The following ST6GAL1 variants were observed in gnomAD, a reference collection of about 807,000 sequenced individuals.
ST6GAL1 encodes beta-galactoside alpha-2,6-sialyltransferase 1.
ST6GAL1 carries 20 observed loss-of-function variants against 38.0 expected under a neutral mutation model. The observed-to-expected ratio is 0.53, with a 90% CI of 0.37 to 0.77. ST6GAL1 has a LOEUF of 0.77. Among genes scored for constraint, ST6GAL1 ranks in the 30% least tolerant of loss-of-function variants. ST6GAL1 has a pLI of 0.00. For missense variants in ST6GAL1, 432 were observed against 496.4 expected, an observed-to-expected ratio of 0.87 and a Z score of 1.23; for synonymous variants, 196 against 188.2, an observed-to-expected ratio of 1.04 and a Z score of -0.34.
chr3:186,937,291 G>C (rs751711564), intron 1 of ST6GAL1, among the ~76,000 whole-genome samples: 16 of 152,094 alleles, frequency 1.1e-4, no homozygotes, highest in Non-Finnish European at 2.1e-4. Context: ...ATTTCAGTGA[G>C]GGCCTATAAA....
chr3:187,051,390 A>G, intron 5 of ST6GAL1, 44 bp downstream of exon 5: 3 of 1,570,416 alleles, frequency 1.9e-6, no homozygotes, highest in Non-Finnish European at 2.6e-6. Flanking sequence ...GAAGGACCAC[A>G]GTGTGGGCTC....
At chr3:186,964,486 A>G (rs979416597) in intron 2 of ST6GAL1, 3 of 152,214 alleles carry the variant, frequency 2.0e-5, no homozygotes, top group African/African-American at 4.8e-5. Context: ...AGAAAATACA[A>G]TATATCTGAA....
At chr3:186,931,183 G>GTCTGGGTTCCTTCAAATCCCGCCT (rs6148233) in intron 1 of ST6GAL1, 29,291 of 129,438 alleles carry the variant, frequency 0.23, 3,167 homozygotes, top group African/African-American at 0.4. Context: ...GCCTTGCAGA[G>GTCTGGGTTCCTTCAAATCCCGCCT]TCTGGGTTTA....
chr3:186,934,685 T>A (rs1375358420), intron 1 of ST6GAL1, among the ~76,000 whole-genome samples: 2 of 152,208 alleles, frequency 1.3e-5, no homozygotes, highest in Non-Finnish European at 2.9e-5. Context: ...AGTCACATGA[T>A]GCATTCTTAT....
chr3:187,078,342 G>C lies in ST6GAL1; in HGVS notation c.*2539G>C, dbSNP rs1042757. ...GTGACAGTTAATTTAAAAATTATGA[G>C]TTAATGCTGCCTGTGTCTATGGGGT... is the stretch of plus-strand genomic sequence containing the variant. On this transcript the variant is annotated 3_prime_UTR_variant, in exon 8 of 8. Coordinates refer to ENST00000169298, the MANE Select transcript of ST6GAL1 (RefSeq NM_173216.2). 0.55 allele frequency: 82,997 copies of C among 151,994 alleles called. 24,763 individuals are homozygous for C. The highest frequency in any genetic ancestry group is 0.81 in the African/African-American group (33,388 of 41,432). The allele number at this position is 151,994 out of a possible 1,614,324, so 9.4% of individuals were successfully genotyped here.
In ST6GAL1 at chr3:187,072,942, C is replaced by G. The variant is rs749944927; in HGVS notation, c.799C>G (p.Pro267Ala). The change falls in exon 6 of 8, where the codon CCA (proline) becomes GCA (alanine). Residue 267 changes from proline (P) to alanine (A), a missense_variant. By Grantham distance (27) the Pro-to-Ala change is conservative. Coordinates refer to ENST00000169298, the MANE Select transcript of ST6GAL1 (RefSeq NM_173216.2). ...CCCATCTGTATACCACTCAGATATC[C>G]CAAAGGTAAGTGGGTGTCCGTGGGA... is the stretch of plus-strand genomic sequence containing the variant. ...WDPSVYHSDI[P>A]KWYQNPDYNF... The G allele has an allele frequency of 6.2e-7, 1 of 1,612,288 alleles. No individual in the cohort carries two copies. Among genetic ancestry groups the G allele is most frequent in the Non-Finnish European group, 8.5e-7 (1 of 1,178,480 alleles).
intron 2 of ST6GAL1, among the ~76,000 whole-genome samples, chr3:187,011,052 T>C (rs1221848858): frequency 6.6e-6 from 1 of 152,206 alleles, no homozygotes; most frequent in Non-Finnish European, 1.5e-5. Context: ...TGGCGTTTTC[T>C]CTAACTTGGT....
rs1470020514 is a variant in ST6GAL1 at position 186,968,268 on chromosome 3, G to A, written c.-183+4342G>A. ...AAATGGGCCGAATAATACCTACCTT[G>A]AGTGAAGATGAATAATTATTTATAT... On this transcript the variant is annotated intron_variant, in intron 2 of 7. Coordinates refer to ENST00000169298, the MANE Select transcript of ST6GAL1 (RefSeq NM_173216.2). Among the ~76,000 whole-genome samples the A allele has an allele frequency of 2.6e-5, 4 of 152,248 alleles. No homozygotes were observed. In the East Asian group the frequency reaches 7.7e-4, roughly 29 times the overall value.
chr3:187,061,601 A>C (rs1236130361), intron 5 of ST6GAL1, among the ~76,000 whole-genome samples: 2 of 152,206 alleles, frequency 1.3e-5, no homozygotes, highest in Non-Finnish European at 2.9e-5. Flanking sequence ...TGAGTGTGTC[A>C]GGATCGTTCA....
chr3:187,050,373 TA>T (rs1240557504), intron 4 of ST6GAL1, among the ~76,000 whole-genome samples: 1 of 152,178 alleles, frequency 6.6e-6, no homozygotes, highest in Non-Finnish European at 1.5e-5. Flanking sequence ...CTTCATCAGA[TA>T]GGTCAACGTG....
chr3:186,947,831 A>G (rs536243590), intron 1 of ST6GAL1, among the ~76,000 whole-genome samples: 1 of 152,370 alleles, frequency 6.6e-6, no homozygotes, highest in Non-Finnish European at 1.5e-5. Flanking sequence ...AGAGGCACAC[A>G]GAAGGGTTTG....
At chr3:187,060,361 G>A (rs73055049) in intron 5 of ST6GAL1, among the ~76,000 whole-genome samples, 15,093 of 152,092 alleles carry the variant, frequency 0.099, 2,515 homozygotes, top group African/African-American at 0.34. Flanking sequence ...AGGTTTCACT[G>A]TGTTGGCCAG....
At chr3:186,960,375 G>A (rs142878727) in intron 1 of ST6GAL1, among the ~76,000 whole-genome samples, 4 of 152,292 alleles carry the variant, frequency 2.6e-5, no homozygotes, top group East Asian at 3.9e-4. Context: ...CAGAGAACAG[G>A]CCCTGAGGAG....
intron 5 of ST6GAL1, among the ~76,000 whole-genome samples, chr3:187,065,872 G>T (rs1579378054): frequency 6.6e-6 from 1 of 152,216 alleles, no homozygotes; most frequent in Non-Finnish European, 1.5e-5. Flanking sequence ...GGCAAACCCT[G>T]TGAGGTATGA....
At chr3:187,045,062 C>T (rs1299983248) in intron 4 of ST6GAL1, among the ~76,000 whole-genome samples, 2 of 152,136 alleles carry the variant, frequency 1.3e-5, no homozygotes, top group Non-Finnish European at 2.9e-5. Context: ...TGTTGAAGCC[C>T]GAGTTGCAGG....
At chr3:187,050,926 G>GT (rs1434985341) in intron 4 of ST6GAL1, among the ~76,000 whole-genome samples, 74 of 152,312 alleles carry the variant, frequency 4.9e-4, no homozygotes, top group African/African-American at 1.5e-3. Flanking sequence ...GATAACTGGA[G>GT]TAGCTACTCC....
At chr3:187,048,880 A>ATT (rs374148828) in intron 4 of ST6GAL1, among the ~76,000 whole-genome samples, 9,403 of 114,336 alleles carry the variant, frequency 0.082, 927 homozygotes, top group Non-Finnish European at 0.12. Flanking sequence ...GAGAAATTGA[A>ATT]TTTTTTTTTT....
At chr3:186,992,295 C>A (rs1716199118) in intron 2 of ST6GAL1, among the ~76,000 whole-genome samples, 2 of 152,116 alleles carry the variant, frequency 1.3e-5, no homozygotes, top group South Asian at 4.2e-4. Flanking sequence ...TTTGGTACTT[C>A]CTCCTGCTGC....
At chr3:186,983,989 C>T (rs1378355441) in intron 2 of ST6GAL1, among the ~76,000 whole-genome samples, 1 of 152,178 alleles carries the variant, frequency 6.6e-6, no homozygotes, top group Non-Finnish European at 1.5e-5. Context: ...CTCTGTTTGA[C>T]AGTCTCATCT....
Sources: allele counts gnomAD v4.1 joint callset (sites outside exome capture counted in the v4.1 genomes callset), GRCh38; gene constraint gnomAD v4.1.1; transcripts MANE v1.5; gene names NCBI Gene and HGNC (gene_info 2026-07-23, HGNC 2026-07-21).